Variants in GRID1 observed in about 807,000 individuals in gnomAD.
GRID1 encodes glutamate ionotropic receptor delta type subunit 1.
In GRID1, 28 loss-of-function variants were observed where a neutral mutation model predicts 98.0. The ratio of observed to expected loss-of-function variants is 0.29; its 90% CI spans 0.21 to 0.39. GRID1 has a LOEUF of 0.39. Among genes scored for constraint, GRID1 ranks in the 10% least tolerant of loss-of-function variants. The pLI is 1.00. For missense variants in GRID1, 1,111 were observed against 1,340.5 expected (o/e 0.83, Z 2.67); for synonymous variants, 553 against 538.5 (o/e 1.03, Z -0.37).
At chr10:86,294,025 C>T (rs1009768746) in intron 2 of GRID1, among the ~76,000 whole-genome samples, 4 of 152,088 alleles carry the variant, frequency 2.6e-5, no homozygotes, top group Admixed American at 6.5e-5. Flanking sequence ...AGTATATTCG[C>T]GGGTGATCAC....
chr10:86,112,012 C>A (rs1844494594), intron 4 of GRID1, among the ~76,000 whole-genome samples: 1 of 152,202 alleles, frequency 6.6e-6, no homozygotes, highest in Non-Finnish European at 1.5e-5. Context: ...CCCAGAGTCC[C>A]ACACTGGTGA....
At chr10:86,322,603 G>T (rs1356334568) in intron 2 of GRID1, among the ~76,000 whole-genome samples, 1 of 151,788 alleles carries the variant, frequency 6.6e-6, no homozygotes, top group Non-Finnish European at 1.5e-5. Flanking sequence ...TAGATGTGGG[G>T]TTTCACCAAG....
At chr10:86,336,242 C>A (rs2132106215) in intron 2 of GRID1, among the ~76,000 whole-genome samples, 1 of 152,306 alleles carries the variant, frequency 6.6e-6, no homozygotes, top group African/African-American at 2.4e-5. Flanking sequence ...TACACAATAA[C>A]ACATAGAAAC....
intron 4 of GRID1, among the ~76,000 whole-genome samples, chr10:86,035,971 T>C (rs1843255212): frequency 6.6e-6 from 1 of 152,122 alleles, no homozygotes. Context: ...GCAGCCCACC[T>C]CAAGTGGACC....
intron 8 of GRID1, among the ~76,000 whole-genome samples, chr10:85,770,473 G>C (rs1842251816): frequency 6.6e-6 from 1 of 152,238 alleles, no homozygotes; most frequent in South Asian, 2.1e-4. Flanking sequence ...AAGCTGGACG[G>C]AGAATGCCTT....
At chr10:86,170,905 A>G (rs1214669649) in intron 3 of GRID1, among the ~76,000 whole-genome samples, 1 of 151,894 alleles carries the variant, frequency 6.6e-6, no homozygotes, top group Non-Finnish European at 1.5e-5. Context: ...TCTCCTCTAC[A>G]CTCAAGTCAA....
At chr10:86,203,757 G>A (rs1845987825) in intron 3 of GRID1, among the ~76,000 whole-genome samples, 1 of 151,832 alleles carries the variant, frequency 6.6e-6, no homozygotes, top group Admixed American at 6.6e-5. Flanking sequence ...CCAGCTCTGG[G>A]GTTCTCCGCT....
chr10:86,315,880 G>A (rs551808455), intron 2 of GRID1, among the ~76,000 whole-genome samples: 2 of 151,738 alleles, frequency 1.3e-5, no homozygotes, highest in South Asian at 2.1e-4. Context: ...TCATCCCACT[G>A]GCCACCCACC....
At chr10:86,145,951 G>A (rs1407518703) in intron 3 of GRID1, among the ~76,000 whole-genome samples, 1 of 152,110 alleles carries the variant, frequency 6.6e-6, no homozygotes, top group African/African-American at 2.4e-5. Flanking sequence ...ACTGAAGTTG[G>A]GGAAATAATT....
chr10:85,988,755 T>G (rs890409908), intron 4 of GRID1, among the ~76,000 whole-genome samples: 5 of 152,214 alleles, frequency 3.3e-5, no homozygotes, highest in Non-Finnish European at 5.9e-5. Flanking sequence ...CAAAGCCACT[T>G]TGACCAAGGG....
intron 2 of GRID1, among the ~76,000 whole-genome samples, chr10:86,226,367 C>T (rs1391428951): frequency 8.8e-6 from 1 of 114,158 alleles, no homozygotes; most frequent in Non-Finnish European, 1.8e-5. Context: ...ACCCTCCCAC[C>T]CCAGCACACC....
chr10:86,191,569 C>T (rs1200540895), intron 3 of GRID1, among the ~76,000 whole-genome samples: 1 of 151,826 alleles, frequency 6.6e-6, no homozygotes, highest in Non-Finnish European at 1.5e-5. Flanking sequence ...GGTCAGGAGA[C>T]TCAGGCACAG....
At chr10:86,065,722 C>T (rs149025120) in intron 4 of GRID1, among the ~76,000 whole-genome samples, 119 of 152,364 alleles carry the variant, frequency 7.8e-4, no homozygotes, top group African/African-American at 1.1e-3. Context: ...AGACTGACCA[C>T]GAGGCAGCCT....
intron 4 of GRID1, among the ~76,000 whole-genome samples, chr10:85,923,471 G>A (rs1169784024): frequency 1.3e-5 from 2 of 152,300 alleles, no homozygotes; most frequent in African/African-American, 4.8e-5. Flanking sequence ...GGGAAAGGCT[G>A]GAGGGGAAGG....
At chr10:86,110,962 T>A (rs1844472413) in intron 4 of GRID1, among the ~76,000 whole-genome samples, 1 of 152,204 alleles carries the variant, frequency 6.6e-6, no homozygotes, top group Non-Finnish European at 1.5e-5. Flanking sequence ...AGTTAGTAAT[T>A]GCCAAAATAA....
At chr10:86,129,342 A>G (rs949320568) in intron 4 of GRID1, among the ~76,000 whole-genome samples, 1 of 152,198 alleles carries the variant, frequency 6.6e-6, no homozygotes, top group African/African-American at 2.4e-5. Context: ...TTGATCTGTC[A>G]ATGGCAACAA....
intron 2 of GRID1, among the ~76,000 whole-genome samples, chr10:86,313,558 A>C (rs937466689): frequency 3.3e-5 from 5 of 152,210 alleles, no homozygotes; most frequent in Non-Finnish European, 7.3e-5. Context: ...AAGAGCCACC[A>C]GGGGAGTCTC....
At chr10:86,359,871 T>G (rs185068083) in intron 2 of GRID1, among the ~76,000 whole-genome samples, 13 of 152,346 alleles carry the variant, frequency 8.5e-5, no homozygotes, top group South Asian at 6.2e-4. Context: ...TTCACACTAT[T>G]TGTTAATATG....
chr10:85,835,038 G>T (rs182278510), intron 8 of GRID1, among the ~76,000 whole-genome samples: 219 of 152,206 alleles, frequency 1.4e-3, no homozygotes, highest in Non-Finnish European at 2.1e-3. Flanking sequence ...AAAAGTAGGA[G>T]TGACTATATT....
Sources: allele counts gnomAD v4.1 joint callset (sites outside exome capture counted in the v4.1 genomes callset), GRCh38; gene constraint gnomAD v4.1.1; transcripts MANE v1.5; gene names NCBI Gene and HGNC (gene_info 2026-07-23, HGNC 2026-07-21).